TKFC: variants seen among roughly 807,000 people sequenced by gnomAD.
The protein encoded by TKFC is triokinase and FMN cyclase, also known as triokinase/FMN cyclase.
Under a neutral mutation model 61.0 loss-of-function variants are expected in TKFC, and 46 were observed. The ratio of observed to expected loss-of-function variants is 0.75; its 90% CI spans 0.60 to 0.96. The LOEUF is 0.96. Among genes scored for constraint, TKFC ranks in the 50% least tolerant of loss-of-function variants. The pLI is 0.00. For missense variants in TKFC, 715 were observed against 777.5 expected (o/e 0.92, Z 0.96); for synonymous variants, 314 against 330.1 (o/e 0.95, Z 0.53).
chr11:61,345,519 C>T lies in TKFC; in HGVS notation c.1405C>T (p.Pro469Ser), dbSNP rs760149474. 26 of 1,613,374 alleles carry T rather than the reference C, an allele frequency of 1.6e-5. 1 individual carries two copies. The South Asian group carries it at 2.9e-4, about 18-fold the overall frequency. The change falls in exon 15 of 18, where the codon CCA becomes TCA. Residue 469 changes from proline to serine, a missense_variant. Transcript: ENST00000394900. ...AQPLKAKTSL[P>S]AWSAAMDAGL... ...GCCCCTGAAGGCCAAGACCAGCCTC[C>T]CAGCCTGGTCTGCTGCCATGGATGC... is the stretch of plus-strand genomic sequence containing the variant.
At chr11:61,350,956 T>C, downstream of TKFC, 1 of 1,594,584 alleles carries the variant, frequency 6.3e-7, no homozygotes, top group South Asian at 1.1e-5. Context: ...GACCTGGCCC[T>C]GTCCCACCCT....
intron 10 of TKFC, 30 bp downstream of exon 10, chr11:61,342,874 C>T (rs367593225): frequency 7.5e-6 from 12 of 1,609,556 alleles, no homozygotes; most frequent in East Asian, 2.2e-5. Context: ...GGGGATCCTA[C>T]AGCCCTTTGG....
At position 61,343,874 on chromosome 11, in the gene TKFC, C is replaced by G. The variant is rs35723406; in HGVS notation, c.1001C>G (p.Ala334Gly). 0.11 allele frequency: 171,383 copies of G among 1,609,760 alleles called. 10,509 individuals are homozygous for G. Among genetic ancestry groups the G allele is most frequent in the Non-Finnish European group, 0.13 (148,951 of 1,179,668 alleles). The change falls in exon 12 of 18, where the codon GCA becomes GGA. Residue 334 changes from alanine to glycine, a missense_variant. Coordinates refer to ENST00000394900, the MANE Select transcript of TKFC (RefSeq NM_015533.4). ...CCCTTAGATGCTGAAACCACTGCAG[C>G]AGCCTGGCCTAACGTGGCTGCAGTC... ...LKLIDAETTA[A>G]AWPNVAAVSI...
At chr11:61,335,472 A>C (rs1203069999) in intron 2 of TKFC, 2 of 152,362 alleles carry the variant, frequency 1.3e-5, no homozygotes. Context: ...GGAGCAGGCC[A>C]CTTTCTTGGA....
At chr11:61,339,977 C>G (rs1007098684) in intron 5 of TKFC, among the ~76,000 whole-genome samples, 1 of 151,908 alleles carries the variant, frequency 6.6e-6, no homozygotes, top group African/African-American at 2.4e-5. Context: ...TCCCTGCCTT[C>G]CTCTTTTTTT....
rs1240138054 is a variant in TKFC, at chr11:61,339,050, C to T, written c.194-16C>T. 2 of 1,608,820 alleles carry T rather than the reference C, an allele frequency of 1.2e-6. No homozygotes were observed. The highest frequency in any genetic ancestry group is 2.7e-5 in the African/African-American group (2 of 74,838). ...AGTCCCACCCAGCATGCTCACTCCA[C>T]TCCTTCCACCTCCAGGTTTCATAGG... is the stretch of plus-strand genomic sequence containing the variant. On this transcript the variant is annotated splice_polypyrimidine_tract_variant and intron_variant, in intron 3 of 17. Transcript: ENST00000394900.
rs1418926027 is a variant in TKFC, at chr11:61,337,948, A to C, written c.11A>C (p.Lys4Thr). The C allele has an allele frequency of 6.2e-7, 1 of 1,606,144 alleles. No homozygotes were observed. The highest frequency in any genetic ancestry group is 1.3e-5 in the African/African-American group (1 of 74,414). Reference sequence around the variant, plus strand: ...CTCACTCCTCCCTTGCAGACCTCCAAGAAGCTGGTGAACTCGGTGGCTGGC... The same window carrying C: ...CTCACTCCTCCCTTGCAGACCTCCACGAAGCTGGTGAACTCGGTGGCTGGC... MTS[K>T]KLVNSVAGCA... is the part of the protein sequence containing the mutation. Residue 4 changes from lysine (K) to threonine (T), a missense_variant, in exon 3 of 18, where the codon AAG becomes ACG. Coordinates refer to ENST00000394900, the MANE Select transcript of TKFC (RefSeq NM_015533.4).
chr11:61,342,890 G>A (rs375661610), intron 10 of TKFC, 46 bp downstream of exon 10: 2 of 1,587,518 alleles, frequency 1.3e-6, no homozygotes, highest in African/African-American at 2.7e-5. Flanking sequence ...TTTGGAAAGG[G>A]CTGAGGGAGG....
rs780114599 is a variant in TKFC at position 61,339,158 on chromosome 11, G to A, written c.286G>A (p.Val96Met). ...CAGCATCCTGGCAGCCATCAGGGCC[G>A]TGGCCCAGGCCGGCACAGGTAAGCC... ...VGSILAAIRA[V>M]AQAGTVGTLL... Residue 96 changes from valine (V) to methionine (M), a missense_variant, in exon 4 of 18, where the codon GTG becomes ATG. Transcript: ENST00000394900. 5.7e-5 allele frequency: 92 copies of A among 1,613,558 alleles called. No homozygotes were observed. The highest frequency in any genetic ancestry group is 3.3e-4 in the Middle Eastern group (2 of 6,072).
chr11:61,349,405 G>A (rs1857290077), downstream of TKFC: 1 of 625,052 alleles, frequency 1.6e-6, no homozygotes, highest in African/African-American at 1.8e-5. Context: ...CAGAGGGGCT[G>A]GGGCCCTGCC....
chr11:61,334,623 C>T lies in TKFC; in HGVS notation c.-106C>T, dbSNP rs1856525653. On this transcript the variant is annotated 5_prime_UTR_variant, in exon 2 of 18. Coordinates refer to ENST00000394900, the MANE Select transcript of TKFC (RefSeq NM_015533.4). ...GTATCGTTACCCACTCCTGCAGGTG[C>T]TGCTGCTGCCTCCACTGTACTCAGA... 5 of 1,471,914 alleles carry T rather than the reference C, an allele frequency of 3.4e-6. No homozygotes were observed. Among genetic ancestry groups the T allele is most frequent in the Non-Finnish European group, 4.7e-6 (5 of 1,059,210 alleles). The allele number at this position is 1,471,914 out of a possible 1,614,324, so 91.2% of individuals were successfully genotyped here.
chr11:61,334,455 AC>A, intron 1 of TKFC, 164 bp from the exon 2 acceptor site: 1 of 470,538 alleles, frequency 2.1e-6, no homozygotes, highest in Non-Finnish European at 3.9e-6. Flanking sequence ...GCAGGCATGA[AC>A]CTTGGTCAGC....
chr11:61,346,609 C>T lies in TKFC; in HGVS notation c.*106C>T. Reference sequence around the variant, plus strand: ...ACCCTCACCTTCCCCCGGCCTGGCCCCATTGGCCCACCCTCTAAGTTGAGC... The same window carrying T: ...ACCCTCACCTTCCCCCGGCCTGGCCTCATTGGCCCACCCTCTAAGTTGAGC... On this transcript the variant is annotated 3_prime_UTR_variant, in exon 18 of 18. Coordinates refer to ENST00000394900, the MANE Select transcript of TKFC (RefSeq NM_015533.4). This position sits in a 1 kb window ranked among gnomAD's most constrained non-coding sequence, Gnocchi z 4.1. The T allele has an allele frequency of 6.7e-7, 1 of 1,494,778 alleles. No homozygotes were observed. Among genetic ancestry groups the T allele is most frequent in the Non-Finnish European group, 8.9e-7 (1 of 1,128,130 alleles). 92.6% of individuals were successfully genotyped at this position (1,494,778 alleles called of 1,614,324 possible). A position where few individuals can be genotyped will look rare whatever the true frequency, so the allele number is the denominator to read the frequency against.
intron 10 of TKFC, 198 bp downstream of exon 10, chr11:61,343,042 T>G (rs750550032): frequency 2.7e-4 from 171 of 633,474 alleles, no homozygotes; most frequent in Non-Finnish European, 2.9e-4. Flanking sequence ...GGTACCTGCT[T>G]TATACCGTTG....
chr11:61,346,156 G>C lies in TKFC; in HGVS notation c.1576-195G>C. 1 of 1,360,620 alleles carries C rather than the reference G, an allele frequency of 7.3e-7. No individual in the cohort carries two copies. Among genetic ancestry groups the C allele is most frequent in the South Asian group, 1.4e-5 (1 of 70,530 alleles). The allele number at this position is 1,360,620 out of a possible 1,614,324, so 84.3% of individuals were successfully genotyped here. ...CTGCCTGGGATGTGACAGGGCCTCAGTGAATGGTGACCCTTTTCCCTGCTG... is the reference window on the plus strand; with the variant it reads ...CTGCCTGGGATGTGACAGGGCCTCACTGAATGGTGACCCTTTTCCCTGCTG... On this transcript the variant is annotated intron_variant, in intron 17 of 17. Coordinates refer to ENST00000394900, the MANE Select transcript of TKFC (RefSeq NM_015533.4). The surrounding 1 kb of genome is among the most constrained non-coding windows in gnomAD (Gnocchi z 4.1).
Position 61,342,673 on chromosome 11 carries a change from G to A in TKFC, c.775+15G>A, listed in dbSNP as rs1305587107. On this transcript the variant is annotated intron_variant, in intron 9 of 17. Transcript: ENST00000394900. ...TGTGCAGCCCGGTGGGTAGCCTCTC[G>A]CCCGCGTCTCCCAACCCCTCCTAAA... The A allele has an allele frequency of 5.6e-6, 9 of 1,613,610 alleles. No individual in the cohort carries two copies. The highest frequency in any genetic ancestry group is 5.1e-6 in the Non-Finnish European group (6 of 1,179,942).
At chr11:61,343,670 T>A in intron 11 of TKFC, 186 bp from the exon 12 acceptor site, 1 of 979,856 alleles carries the variant, frequency 1.0e-6, no homozygotes, top group Non-Finnish European at 1.5e-6. Context: ...CCTGACCCTT[T>A]CCCAGGGACC....
At chr11:61,350,284 A>G (rs746387728), downstream of TKFC, 7 of 1,369,518 alleles carry the variant, frequency 5.1e-6, no homozygotes, top group Non-Finnish European at 7.0e-6. Context: ...GTCTGGGCCC[A>G]GCATTGGAAG....
At chr11:61,343,064 A>T in intron 10 of TKFC, 1 of 618,948 alleles carries the variant, frequency 1.6e-6, no homozygotes. Flanking sequence ...TTTGAGGATT[A>T]AGTGAGATTA....
Sources: gnomAD v4.1 joint callset for allele counts (sites outside exome capture counted in the v4.1 genomes callset) on GRCh38, gnomAD v4.1.1 for gene constraint, Gnocchi (gnomAD v3.1) non-coding constraint, MANE v1.5 for transcripts, NCBI Gene and HGNC (gene_info 2026-07-23, HGNC 2026-07-21) for gene names.